Variants in IQCK observed in about 807,000 individuals in gnomAD.
IQCK encodes the protein IQ domain-containing protein K.
Under a neutral mutation model 28.1 loss-of-function variants are expected in IQCK, and 29 were observed. That is an observed-to-expected ratio of 1.03 (90% CI 0.77 to 1.41). The LOEUF (loss-of-function observed/expected upper bound fraction) is 1.41, where lower values mean the gene tolerates loss of function less well. Among genes scored for constraint, IQCK ranks in the 40% most tolerant of loss-of-function variants. The pLI, the probability that IQCK is intolerant of heterozygous loss-of-function variation, is 0.00. For synonymous variants in IQCK, 113 were observed against 115.1 expected, an observed-to-expected ratio of 0.98 and a Z score of 0.12; for missense variants, 359 against 314.7, an observed-to-expected ratio of 1.14 and a Z score of -1.07.
intron 2 of IQCK, among the ~76,000 whole-genome samples, chr16:19,732,185 C>T (rs746139649): frequency 7.9e-5 from 12 of 152,348 alleles, no homozygotes; most frequent in Non-Finnish European, 1.5e-4. Flanking sequence ...CCAGTCTCTT[C>T]CAGAAAACCC....
At chr16:19,822,067 C>CAAA (rs35060834) in intron 7 of IQCK, among the ~76,000 whole-genome samples, 3 of 64,628 alleles carry the variant, frequency 4.6e-5, no homozygotes, top group Non-Finnish European at 9.7e-5. Flanking sequence ...GACCCTGTCT[C>CAAA]AAAAAAAAAA....
At chr16:19,751,626 G>A (rs184435597) in intron 4 of IQCK, among the ~76,000 whole-genome samples, 154 of 152,256 alleles carry the variant, frequency 1.0e-3, no homozygotes, top group South Asian at 2.5e-3. Context: ...CAGGAGTAGC[G>A]AGATGGATCA....
At chr16:19,836,180 G>A (rs906842911) in intron 9 of IQCK, among the ~76,000 whole-genome samples, 1 of 152,134 alleles carries the variant, frequency 6.6e-6, no homozygotes, top group Admixed American at 6.6e-5. Context: ...AATCTAAGGT[G>A]TCATTTTCAT....
chr16:19,758,288 T>C (rs1023099853), intron 4 of IQCK, among the ~76,000 whole-genome samples: 1 of 152,140 alleles, frequency 6.6e-6, no homozygotes, highest in African/African-American at 2.4e-5. Context: ...CTGAACAATA[T>C]CCCCACTGTT....
At chr16:19,735,528 G>C in intron 4 of IQCK, 78 bp downstream of exon 4, 1 of 1,182,366 alleles carries the variant, frequency 8.5e-7, no homozygotes, top group Non-Finnish European at 1.3e-6. Flanking sequence ...CATTATCTTG[G>C]TACCATCAGG....
At chr16:19,773,592 G>T (rs886432519) in intron 6 of IQCK, among the ~76,000 whole-genome samples, 1 of 152,178 alleles carries the variant, frequency 6.6e-6, no homozygotes, top group Non-Finnish European at 1.5e-5. Context: ...CAGTCTCTCA[G>T]CTACTCAACT....
intron 1 of IQCK, among the ~76,000 whole-genome samples, chr16:19,722,944 T>G (rs1028071846): frequency 1.8e-4 from 27 of 152,136 alleles, no homozygotes; most frequent in Admixed American, 1.6e-3. Context: ...ACTCCTGACC[T>G]TAGGTGATCC....
chr16:19,825,319 G>A lies in IQCK; in HGVS notation c.691-1707G>A, dbSNP rs113416059. Among the ~76,000 whole-genome samples the A allele has an allele frequency of 9.0e-3, 1,363 of 152,214 alleles. 20 individuals are homozygous for A. The highest frequency in any genetic ancestry group is 0.029 in the African/African-American group (1,200 of 41,522). On this transcript the variant is annotated intron_variant, in intron 7 of 7. Transcript: ENST00000564186. This position sits in a 1 kb window ranked among gnomAD's most constrained non-coding sequence, Gnocchi z 4.2. ...ATGGTTCACTTGAGGTCAGGAGTTC[G>A]AGACCAGCCTGACCAACATGGTAAA...
intron 6 of IQCK, among the ~76,000 whole-genome samples, chr16:19,774,789 A>C (rs1226158922): frequency 6.6e-6 from 1 of 152,252 alleles, no homozygotes; most frequent in East Asian, 1.9e-4. Context: ...TAGAAACGAC[A>C]AACATGTTTC....
At chr16:19,786,448 AG>A (rs1318245542) in intron 6 of IQCK, among the ~76,000 whole-genome samples, 1 of 148,218 alleles carries the variant, frequency 6.7e-6, no homozygotes, top group African/African-American at 2.6e-5. Context: ...CTGTAATCCC[AG>A]CACTTTGGGA....
At chr16:19,784,557 A>G (rs1480683533) in intron 6 of IQCK, among the ~76,000 whole-genome samples, 1 of 152,176 alleles carries the variant, frequency 6.6e-6, no homozygotes, top group Non-Finnish European at 1.5e-5. Context: ...TGTGCCTACT[A>G]TGTGCCAGAC....
chr16:19,720,109 G>A (rs74013813), intron 1 of IQCK, among the ~76,000 whole-genome samples: 8,316 of 152,246 alleles, frequency 0.055, 705 homozygotes, highest in African/African-American at 0.18. Context: ...GAAAGAAGTG[G>A]AGAATACAGA....
intron 7 of IQCK, among the ~76,000 whole-genome samples, chr16:19,820,658 A>G (rs2056060280): frequency 1.3e-5 from 2 of 152,092 alleles, no homozygotes; most frequent in South Asian, 4.2e-4. Flanking sequence ...CAAAAAAAAA[A>G]AAAAAAAGAT....
intron 6 of IQCK, chr16:19,766,101 T>C (rs1487149159): frequency 2.0e-5 from 3 of 152,222 alleles, no homozygotes; most frequent in Non-Finnish European, 4.4e-5. Flanking sequence ...GCATTTATAT[T>C]CTCTACATCC....
rs748854474 is a variant in IQCK at position 19,836,606 on chromosome 16, C to T, written c.802+9469C>T. On this transcript the variant is annotated intron_variant, in intron 9 of 9. Coordinates refer to the IQCK transcript ENST00000320394. ...TCGGCTCACTGCAACCTCCGCCTCC[C>T]GGGTTCAAGTGATTCTCCTGCCTCA... Among the ~76,000 whole-genome samples the T allele has an allele frequency of 5.9e-5, 9 of 152,168 alleles. No homozygotes were observed. The East Asian group carries it at 7.7e-4, about 13-fold the overall frequency.
intron 6 of IQCK, among the ~76,000 whole-genome samples, chr16:19,782,259 G>A (rs1320434361): frequency 1.9e-4 from 29 of 151,532 alleles, no homozygotes; most frequent in Admixed American, 1.6e-3. Flanking sequence ...GGTGGCAGGC[G>A]CCTGTAATCC....
intron 4 of IQCK, among the ~76,000 whole-genome samples, chr16:19,736,850 T>A (rs1235271349): frequency 1.3e-5 from 2 of 151,774 alleles, no homozygotes; most frequent in Non-Finnish European, 2.9e-5. Flanking sequence ...ATTAAATGAT[T>A]CAAAATGATA....
rs76926559 is a variant in IQCK, at chr16:19,817,332, C to T, written c.691-9694C>T. On this transcript the variant is annotated intron_variant, in intron 7 of 7. Transcript: ENST00000564186. The stretch of plus-strand genomic sequence containing the variant: ...CAACTACTGCCATTGAAATTGATTC[C>T]CTAATCATGATGATAATGACTGGGA... Among the ~76,000 whole-genome samples the T allele has an allele frequency of 9.7e-4, 147 of 152,200 alleles. 5 individuals carry two copies. In the East Asian group the frequency reaches 0.025, roughly 26 times the overall value.
At chr16:19,857,169 T>C in exon 10 of IQCK, 1 of 231,338 alleles carries the variant, frequency 4.3e-6, no homozygotes, top group Non-Finnish European at 8.5e-6. Flanking sequence ...ATTACCTTAA[T>C]ATGTTCTGTG....
Sources: gnomAD v4.1 joint callset for allele counts (sites outside exome capture counted in the v4.1 genomes callset) on GRCh38, gnomAD v4.1.1 for gene constraint, Gnocchi (gnomAD v3.1) non-coding constraint, MANE v1.5 for transcripts, NCBI Gene and HGNC (gene_info 2026-07-23, HGNC 2026-07-21) for gene names.